Variants in PM20D2 observed in about 807,000 individuals in gnomAD.
The protein encoded by PM20D2 is xaa-Arg dipeptidase.
A neutral mutation model predicts 42.9 loss-of-function variants in PM20D2; 33 were observed. That is an observed-to-expected ratio of 0.77 (90% CI 0.58 to 1.03). The LOEUF (loss-of-function observed/expected upper bound fraction) is 1.03, where lower values mean the gene tolerates loss of function less well. PM20D2 is among the 50% of genes least tolerant of loss of function. PM20D2 has a pLI of 0.00. For missense variants in PM20D2, 548 were observed against 557.0 expected (o/e 0.98, Z 0.16); for synonymous variants, 250 against 228.2 (o/e 1.10, Z -0.86).
intron 2 of PM20D2, among the ~76,000 whole-genome samples, chr6:89,150,871 A>G (rs1770810518): frequency 6.6e-6 from 1 of 150,488 alleles, no homozygotes; most frequent in Admixed American, 6.6e-5. Flanking sequence ...TAGAAAAGAG[A>G]GGTCAGGTGC....
At chr6:89,117,890 C>T in the PM20D2 span, 1 of 1,561,510 alleles carries the variant, frequency 6.4e-7, no homozygotes, top group Non-Finnish European at 8.6e-7. Flanking sequence ...CGAGACATGA[C>T]CGCTTCCTCC....
At chr6:89,134,893 G>T in the PM20D2 span, among the ~76,000 whole-genome samples, 1 of 151,152 alleles carries the variant, frequency 6.6e-6, no homozygotes, top group Non-Finnish European at 1.5e-5. Context: ...GATTTCTTGG[G>T]TAGCTCTGGA....
At chr6:89,116,438 AC>A in the PM20D2 span, among the ~76,000 whole-genome samples, 1 of 152,238 alleles carries the variant, frequency 6.6e-6, no homozygotes, top group Non-Finnish European at 1.5e-5. Flanking sequence ...AGATATATTA[AC>A]CACAACATAT....
Position 89,150,031 on chromosome 6 carries a change from A to G in PM20D2, c.614+618A>G, listed in dbSNP as rs144546382. On this transcript the variant is annotated intron_variant, in intron 2 of 6. Coordinates refer to ENST00000275072, the MANE Select transcript of PM20D2 (RefSeq NM_001010853.3). ...ATTTTTTATACCAGAAATTTCAACCATAGTAGTAACTATAGTAGTTAATGG... is the reference window on the plus strand; with the variant it reads ...ATTTTTTATACCAGAAATTTCAACCGTAGTAGTAACTATAGTAGTTAATGG... 3.6e-4 allele frequency among the ~76,000 whole-genome samples: 55 copies of G among 152,348 alleles called. 1 individual carries two copies. The highest frequency in any genetic ancestry group is 8.3e-4 in the South Asian group (4 of 4,830).
chr6:89,158,948 A>G (rs1771142917), intron 5 of PM20D2, among the ~76,000 whole-genome samples: 3 of 152,164 alleles, frequency 2.0e-5, no homozygotes, highest in Admixed American at 6.6e-5. Flanking sequence ...GAGATGTATC[A>G]TCTGTTTTAA....
chr6:89,108,061 T>A, the PM20D2 span, among the ~76,000 whole-genome samples: 1 of 152,258 alleles, frequency 6.6e-6, no homozygotes, highest in South Asian at 2.1e-4. Context: ...TAAAGAAAAA[T>A]GGATGTTTTA....
chr6:89,148,024 C>G (rs1262391819), intron 1 of PM20D2, among the ~76,000 whole-genome samples: 2 of 143,018 alleles, frequency 1.4e-5, no homozygotes, highest in Non-Finnish European at 3.0e-5. Flanking sequence ...TTCTGTCGCC[C>G]AGGCCGAGTG....
At chr6:89,160,436 T>C (rs550083616) in intron 5 of PM20D2, among the ~76,000 whole-genome samples, 13 of 152,246 alleles carry the variant, frequency 8.5e-5, no homozygotes, top group African/African-American at 2.9e-4. Flanking sequence ...AGATAAATGT[T>C]AGCTACTCTT....
chr6:89,148,239 A>G (rs1286288492), intron 1 of PM20D2, among the ~76,000 whole-genome samples: 1 of 151,986 alleles, frequency 6.6e-6, no homozygotes, highest in East Asian at 1.9e-4. Context: ...TCGGCCTCCC[A>G]CAGTGCTAGG....
At chr6:89,118,319 G>C in the PM20D2 span, among the ~76,000 whole-genome samples, 1,068 of 152,270 alleles carry the variant, frequency 7.0e-3, 15 homozygotes, top group African/African-American at 0.025. Context: ...CGGGGCTGCG[G>C]CTGGGCGGAG....
intron 6 of PM20D2, 84 bp from the exon 7 acceptor site, chr6:89,162,025 C>T: frequency 7.2e-6 from 11 of 1,524,422 alleles, no homozygotes; most frequent in Non-Finnish European, 9.0e-6. Context: ...AGTTGGAGAG[C>T]CAGTTGAGAT....
Position 89,154,812 on chromosome 6 carries a change from C to T in PM20D2, c.822C>T (p.Tyr274=). The T allele has an allele frequency of 6.2e-7, 1 of 1,607,352 alleles. No individual in the cohort carries two copies. The highest frequency in any genetic ancestry group is 1.1e-5 in the South Asian group (1 of 89,952). The change falls in exon 4 of 7, where the codon TAC becomes TAT. Residue 274 remains tyrosine, a synonymous_variant. Coordinates refer to ENST00000275072, the MANE Select transcript of PM20D2 (RefSeq NM_001010853.3). The stretch of plus-strand genomic sequence containing the variant: ...CCTCTTATTCTGAATTAATCTATTA[C>T]TTCCGTGCACCCTCAATGAAAGAAC... ...IIPSYSELIY[Y]FRAPSMKELQ... is the part of the protein sequence containing the mutation.
At chr6:89,139,685 G>A in the PM20D2 span, among the ~76,000 whole-genome samples, 6 of 152,098 alleles carry the variant, frequency 3.9e-5, no homozygotes, top group Non-Finnish European at 5.9e-5. Flanking sequence ...TCTGGCCCGC[G>A]TGGCAGAGCA....
intron 5 of PM20D2, among the ~76,000 whole-genome samples, chr6:89,158,943 G>C (rs1444306355): frequency 6.6e-6 from 1 of 152,018 alleles, no homozygotes; most frequent in East Asian, 1.9e-4. Context: ...AGTTAGAGAT[G>C]TATCATCTGT....
At chr6:89,131,591 A>G in the PM20D2 span, among the ~76,000 whole-genome samples, 1 of 152,136 alleles carries the variant, frequency 6.6e-6, no homozygotes, top group Non-Finnish European at 1.5e-5. Flanking sequence ...CTGGTGGCCT[A>G]CTTAGGTTGC....
chr6:89,095,473 CCAGT>C, the PM20D2 span, among the ~76,000 whole-genome samples: 1 of 152,130 alleles, frequency 6.6e-6, no homozygotes, highest in Non-Finnish European at 1.5e-5. Flanking sequence ...GTGTGAGCCA[CCAGT>C]CAGCCAGAAA....
At chr6:89,094,432 C>T in the PM20D2 span, among the ~76,000 whole-genome samples, 1 of 152,054 alleles carries the variant, frequency 6.6e-6, no homozygotes, top group South Asian at 2.1e-4. Context: ...GTTGGCCAGG[C>T]TGGTCTCGAA....
Position 89,146,614 on chromosome 6 carries a change from G to C in PM20D2, c.465+5G>C. 1 of 1,421,110 alleles carries C rather than the reference G, an allele frequency of 7.0e-7. No homozygotes were observed. Among genetic ancestry groups the C allele is most frequent in the Non-Finnish European group, 9.1e-7 (1 of 1,094,666 alleles). The allele number at this position is 1,421,110 out of a possible 1,614,324, so 88.0% of individuals were successfully genotyped here. A position where few individuals can be genotyped will look rare whatever the true frequency, so the allele number is the denominator to read the frequency against. ...AGGCCGCCTCCGCCCGTGAAGGTGAGGTGGGGCCCGGGTGCGGGACCCTAT... is the reference window on the plus strand; with the variant it reads ...AGGCCGCCTCCGCCCGTGAAGGTGACGTGGGGCCCGGGTGCGGGACCCTAT... On this transcript the variant is annotated splice_donor_5th_base_variant and intron_variant, in intron 1 of 6. Coordinates refer to ENST00000275072, the MANE Select transcript of PM20D2 (RefSeq NM_001010853.3).
upstream of PM20D2, among the ~76,000 whole-genome samples, chr6:89,142,605 T>C (rs139021467): frequency 1.3e-5 from 2 of 152,292 alleles, no homozygotes; most frequent in African/African-American, 2.4e-5. Flanking sequence ...CTGCACTCTC[T>C]CCTTGGATTA....
Sources: allele counts gnomAD v4.1 joint callset (sites outside exome capture counted in the v4.1 genomes callset), GRCh38; gene constraint gnomAD v4.1.1; transcripts MANE v1.5; gene names NCBI Gene and HGNC (gene_info 2026-07-23, HGNC 2026-07-21).